Variants in CPS1 observed in about 807,000 individuals in gnomAD.
CPS1 encodes the protein carbamoyl-phosphate synthase [ammonia], mitochondrial.
CPS1 carries 109 observed loss-of-function variants against 174.6 expected under a neutral mutation model. The observed-to-expected ratio is 0.62, with a 90% CI of 0.53 to 0.73. CPS1 has a LOEUF of 0.73. Ranked by LOEUF, CPS1 falls within the 30% of genes least tolerant of loss-of-function variation. The pLI, the probability that CPS1 is intolerant of heterozygous loss-of-function variation, is 0.00. For missense variants in CPS1, 1,689 were observed against 1,821.9 expected (o/e 0.93, Z 1.33); for synonymous variants, 637 against 632.0 (o/e 1.01, Z -0.12).
chr2:210,541,575 T>C (rs1696433182), intron 1 of CPS1, among the ~76,000 whole-genome samples: 1 of 152,110 alleles, frequency 6.6e-6, no homozygotes, highest in Non-Finnish European at 1.5e-5. Context: ...ATCAGTGAAA[T>C]GCTGATTGAT....
chr2:210,514,783 TTC>T (rs973706044), intron 1 of CPS1, among the ~76,000 whole-genome samples: 9 of 100,132 alleles, frequency 9.0e-5, no homozygotes, highest in Non-Finnish European at 1.6e-4. Context: ...ATGGGAATGC[TTC>T]TTTTTTTTTT....
At position 210,576,580 on chromosome 2, in the gene CPS1, C is replaced by T. The variant is rs191315734; in HGVS notation, c.381+90C>T. 2.7e-5 allele frequency: 36 copies of T among 1,343,920 alleles called. No individual in the cohort carries two copies. In the East Asian group the frequency reaches 7.1e-4, roughly 27 times the overall value. 83.2% of individuals were successfully genotyped at this position (1,343,920 alleles called of 1,614,324 possible). A position where few individuals can be genotyped will look rare whatever the true frequency, so the allele number is the denominator to read the frequency against. On this transcript the variant is annotated intron_variant, in intron 3 of 37. Transcript: ENST00000233072. Reference sequence around the variant, plus strand: ...GAATTAGGATGGCCAAACTTTCTTCCTCAATACGGTAGTACAAATCATTAA... The same window carrying T: ...GAATTAGGATGGCCAAACTTTCTTCTTCAATACGGTAGTACAAATCATTAA...
chr2:210,483,881 T>C (rs758085318), intron 1 of CPS1, among the ~76,000 whole-genome samples: 4 of 152,228 alleles, frequency 2.6e-5, no homozygotes, highest in Non-Finnish European at 4.4e-5. Context: ...CCCTGAATTA[T>C]ATTTTCTGAT....
upstream of CPS1, among the ~76,000 whole-genome samples, chr2:210,554,106 CAT>C (rs528550817): frequency 0.018 from 2,524 of 142,684 alleles, 99 homozygotes; most frequent in African/African-American, 0.059. Flanking sequence ...TGTATATACA[CAT>C]ATATATATGT....
Position 210,639,333 on chromosome 2 carries a change from C to T in CPS1, c.2895+118C>T, listed in dbSNP as rs578087891. The T allele has an allele frequency of 3.9e-4, 335 of 850,932 alleles. No individual in the cohort carries two copies. In the African/African-American group the frequency reaches 5.3e-3, roughly 14 times the overall value. 52.7% of individuals were successfully genotyped at this position (850,932 alleles called of 1,614,324 possible). A position where few individuals can be genotyped will look rare whatever the true frequency, so the allele number is the denominator to read the frequency against. ...TAGGTAATAAAAAAAGGCATCATGG[C>T]CGGGCGCGGTGGCTCACGCCTGTAA... is the stretch of plus-strand genomic sequence containing the variant. On this transcript the variant is annotated intron_variant, in intron 23 of 37. Coordinates refer to ENST00000233072, the MANE Select transcript of CPS1 (RefSeq NM_001875.5).
chr2:210,559,404 A>G (rs989943113), intron 1 of CPS1, among the ~76,000 whole-genome samples: 1 of 152,020 alleles, frequency 6.6e-6, no homozygotes, highest in Admixed American at 6.6e-5. Context: ...GCAATGACGC[A>G]CTTATAATTT....
At chr2:210,641,398 T>A (rs1205819248) in intron 24 of CPS1, among the ~76,000 whole-genome samples, 1 of 152,156 alleles carries the variant, frequency 6.6e-6, no homozygotes, top group Non-Finnish European at 1.5e-5. Context: ...AGTGCTGGTA[T>A]TACAGGCAGG....
Position 210,677,144 on chromosome 2 carries a change from C to A in CPS1, c.4404+8C>A, listed in dbSNP as rs1284567941. On this transcript the variant is annotated splice_region_variant and intron_variant, in intron 37 of 37. Transcript: ENST00000233072. ...CTCCTCACTAATTTTCAGGTATAGT[C>A]TTTTCCTTGGATATAGACTGGATGG... The A allele has an allele frequency of 1.2e-6, 2 of 1,613,492 alleles. No homozygotes were observed. The highest frequency in any genetic ancestry group is 8.5e-7 in the Non-Finnish European group (1 of 1,179,468).
At chr2:210,479,869 A>G (rs1356333562) in intron 1 of CPS1, among the ~76,000 whole-genome samples, 1 of 152,202 alleles carries the variant, frequency 6.6e-6, no homozygotes, top group African/African-American at 2.4e-5. Context: ...CTTTCAGGAA[A>G]TAATCATTGT....
rs747717816 is a variant in CPS1 at position 210,556,872 on chromosome 2, T to C, written c.126+13T>C. The C allele has an allele frequency of 2.0e-5, 32 of 1,612,404 alleles. No homozygotes were observed. Among genetic ancestry groups the C allele is most frequent in the Non-Finnish European group, 2.4e-5 (28 of 1,178,888 alleles). On this transcript the variant is annotated intron_variant, in intron 1 of 37. Transcript: ENST00000233072. ...CCTTTCTGTCAAGGTAATACCCATA[T>C]TGATTGTTTCTGATAAAATACTATG...
intron 25 of CPS1, among the ~76,000 whole-genome samples, chr2:210,647,215 G>A (rs1045064921): frequency 2.6e-5 from 4 of 152,138 alleles, no homozygotes; most frequent in African/African-American, 9.7e-5. Flanking sequence ...AGATAAGCTG[G>A]AAGAGAAGAG....
chr2:210,497,309 A>C (rs1695013805), intron 1 of CPS1, among the ~76,000 whole-genome samples: 1 of 152,194 alleles, frequency 6.6e-6, no homozygotes, highest in South Asian at 2.1e-4. Flanking sequence ...GCTGAATATG[A>C]TATGTAAAAT....
rs1698861477 is a variant in CPS1, at chr2:210,605,153, A to C, written c.1888A>C (p.Lys630Gln). ...ILVEKSVTGWKEIEYEVVRDA... is the reference protein window; with the variant it reads ...ILVEKSVTGWQEIEYEVVRDA... ...GGTGGAGAAGTCAGTGACAGGTTGG[A>C]AAGAAATAGAATATGAAGTGGTTCG... Residue 630 changes from lysine to glutamine, a missense_variant, in exon 17 of 38, where the codon AAA (lysine) becomes CAA (glutamine). By Grantham distance (53) the Lys-to-Gln change is moderately conservative (BLOSUM62 1). Coordinates refer to ENST00000233072, the MANE Select transcript of CPS1 (RefSeq NM_001875.5). 6.2e-7 allele frequency: 1 copy of C among 1,612,004 alleles called. No individual in the cohort carries two copies. The highest frequency in any genetic ancestry group is 1.3e-5 in the African/African-American group (1 of 74,766).
At position 210,495,743 on chromosome 2, in the gene CPS1, G is replaced by T. The variant is rs573479720; in HGVS notation, c.3+17977G>T. 4.6e-5 allele frequency among the ~76,000 whole-genome samples: 7 copies of T among 152,308 alleles called. No individual in the cohort carries two copies. In the East Asian group the frequency reaches 7.7e-4, roughly 17 times the overall value. On this transcript the variant is annotated intron_variant, in intron 1 of 38. Coordinates refer to the CPS1 transcript ENST00000430249. The stretch of plus-strand genomic sequence containing the variant: ...ATTAGGTGTAAAGTTTTGGAAAAGA[G>T]TATATGAAGAAAAGTACTCAGTAGG...
intron 5 of CPS1, among the ~76,000 whole-genome samples, chr2:210,580,558 A>G (rs1245457393): frequency 6.6e-6 from 1 of 152,078 alleles, no homozygotes; most frequent in African/African-American, 2.4e-5. Context: ...GATAAATGAC[A>G]CAATTTGAAA....
At chr2:210,571,901 GT>G (rs1697509368) in intron 1 of CPS1, among the ~76,000 whole-genome samples, 1 of 125,214 alleles carries the variant, frequency 8.0e-6, no homozygotes, top group Non-Finnish European at 1.6e-5. Context: ...GTGTGTGTGT[GT>G]GTGTGTGTAT....
intron 6 of CPS1, among the ~76,000 whole-genome samples, chr2:210,583,197 C>T (rs1377342193): frequency 3.3e-5 from 5 of 152,082 alleles, no homozygotes; most frequent in East Asian, 1.9e-4. Context: ...AATTAATGTT[C>T]GTAACGATGA....
In CPS1 at chr2:210,522,613, C is replaced by A. The variant is rs527978706; in HGVS notation, c.4-34106C>A. Among the ~76,000 whole-genome samples, 22 of 152,016 alleles carry A rather than the reference C, an allele frequency of 1.4e-4. No individual in the cohort carries two copies. The South Asian group carries it at 4.6e-3, about 32-fold the overall frequency. ...CCAGATGGTGCTATTGGATTGGCTACCAAGGAACATCCTTATCTGAATGGT... is the reference window on the plus strand; with the variant it reads ...CCAGATGGTGCTATTGGATTGGCTAACAAGGAACATCCTTATCTGAATGGT... On this transcript the variant is annotated intron_variant, in intron 1 of 38. Transcript: ENST00000430249.
chr2:210,670,540 A>C (rs1701266067), intron 34 of CPS1, among the ~76,000 whole-genome samples: 1 of 152,174 alleles, frequency 6.6e-6, no homozygotes, highest in Non-Finnish European at 1.5e-5. Flanking sequence ...ACTTTTAAAA[A>C]ACATTTTATT....
Sources: gnomAD v4.1 joint callset for allele counts (sites outside exome capture counted in the v4.1 genomes callset) on GRCh38, gnomAD v4.1.1 for gene constraint, MANE v1.5 for transcripts, NCBI Gene and HGNC (gene_info 2026-07-23, HGNC 2026-07-21) for gene names.